The following LRMDA variants were observed in gnomAD, a reference collection of about 807,000 sequenced individuals.
LRMDA encodes the protein leucine-rich melanocyte differentiation-associated protein.
A neutral mutation model predicts 29.8 loss-of-function variants in LRMDA; 18 were observed. That is an observed-to-expected ratio of 0.60 (90% CI 0.42 to 0.90). LRMDA has a LOEUF of 0.90. LRMDA is among the 40% of genes least tolerant of loss of function. The probability of loss-of-function intolerance (pLI) is 0.00; values close to 1 mark genes in which losing one functional copy is unlikely to be tolerated. For synonymous variants in LRMDA, 125 were observed against 109.4 expected, an observed-to-expected ratio of 1.14 and a Z score of -0.89; for missense variants, 273 against 273.9, an observed-to-expected ratio of 1.00 and a Z score of 0.02.
chr10:75,986,695 T>C (rs1847267440), intron 2 of LRMDA, among the ~76,000 whole-genome samples: 1 of 152,256 alleles, frequency 6.6e-6, no homozygotes, highest in South Asian at 2.1e-4. Context: ...GTCTTGGATG[T>C]TGTAAGGGAC....
chr10:76,135,240 C>G (rs1457709267), intron 5 of LRMDA, among the ~76,000 whole-genome samples: 1 of 152,204 alleles, frequency 6.6e-6, no homozygotes, highest in Non-Finnish European at 1.5e-5. Flanking sequence ...GGCAGATCAT[C>G]CATAGTGCGT....
At chr10:76,376,418 C>A (rs750461910) in intron 6 of LRMDA, among the ~76,000 whole-genome samples, 7 of 152,108 alleles carry the variant, frequency 4.6e-5, no homozygotes, top group Non-Finnish European at 1.0e-4. Context: ...AACATACACA[C>A]ACACTACTAT....
chr10:75,777,627 C>T (rs1310823973), intron 2 of LRMDA, among the ~76,000 whole-genome samples: 2 of 152,226 alleles, frequency 1.3e-5, no homozygotes, highest in African/African-American at 4.8e-5. Flanking sequence ...TCCCAGCTCC[C>T]ACTTGAGAGG....
chr10:76,308,583 C>T (rs901671256), intron 5 of LRMDA, among the ~76,000 whole-genome samples: 1 of 152,112 alleles, frequency 6.6e-6, no homozygotes, highest in African/African-American at 2.4e-5. Flanking sequence ...TCTGTGAAGT[C>T]ACCTTTGCTA....
chr10:75,466,338 T>A (rs1844649968), intron 2 of LRMDA, among the ~76,000 whole-genome samples: 1 of 152,120 alleles, frequency 6.6e-6, no homozygotes, highest in Non-Finnish European at 1.5e-5. Flanking sequence ...CTTCCCATCT[T>A]TGGTTTTTCC....
At chr10:75,623,303 C>CA (rs1180556662) in intron 2 of LRMDA, among the ~76,000 whole-genome samples, 1 of 152,176 alleles carries the variant, frequency 6.6e-6, no homozygotes, top group East Asian at 1.9e-4. Flanking sequence ...GTGGGCTCTG[C>CA]TCCCCTCCCT....
chr10:76,476,560 A>C (rs1245614794), intron 6 of LRMDA, among the ~76,000 whole-genome samples: 1 of 152,194 alleles, frequency 6.6e-6, no homozygotes, highest in Non-Finnish European at 1.5e-5. Flanking sequence ...TGAGGCCAGC[A>C]TCATCCTGAT....
At chr10:76,012,056 G>C (rs540377870) in intron 2 of LRMDA, among the ~76,000 whole-genome samples, 1 of 152,334 alleles carries the variant, frequency 6.6e-6, no homozygotes, top group South Asian at 2.1e-4. Flanking sequence ...GGCAGGGTCT[G>C]AGTGCAGTTC....
intron 6 of LRMDA, among the ~76,000 whole-genome samples, chr10:76,423,323 G>A (rs1842089446): frequency 6.6e-6 from 1 of 152,176 alleles, no homozygotes; most frequent in Admixed American, 6.5e-5. Flanking sequence ...CAGCCCAGGA[G>A]ATCGAGGCTG....
intron 6 of LRMDA, among the ~76,000 whole-genome samples, chr10:76,348,082 T>A (rs1194910683): frequency 2.0e-5 from 3 of 152,146 alleles, no homozygotes; most frequent in Non-Finnish European, 4.4e-5. Context: ...GCAGTGAAGA[T>A]GCTCAGTGCA....
rs190110945 is a variant in LRMDA, at chr10:75,776,337, T to C, written c.132-259671T>C. 2.3e-3 allele frequency among the ~76,000 whole-genome samples: 352 copies of C among 152,290 alleles called. 2 individuals are homozygous for C. The highest frequency in any genetic ancestry group is 6.7e-3 in the African/African-American group (278 of 41,560). ...GTTCTAGAAATCATCTGGGGGCATATTGGAGGAAGAAGGGACCCTGATCCA... is the reference window on the plus strand; with the variant it reads ...GTTCTAGAAATCATCTGGGGGCATACTGGAGGAAGAAGGGACCCTGATCCA... On this transcript the variant is annotated intron_variant, in intron 2 of 6. Coordinates refer to ENST00000611255, the MANE Select transcript of LRMDA (RefSeq NM_001305581.2).
At chr10:75,709,450 ATGTG>A (rs143567128) in intron 2 of LRMDA, among the ~76,000 whole-genome samples, 27 of 145,840 alleles carry the variant, frequency 1.9e-4, no homozygotes, top group African/African-American at 5.6e-4. Context: ...GTGTATGTGC[ATGTG>A]TGTGTGTGTG....
intron 2 of LRMDA, among the ~76,000 whole-genome samples, chr10:75,919,172 A>T (rs1359811776): frequency 6.6e-6 from 1 of 152,188 alleles, no homozygotes; most frequent in Non-Finnish European, 1.5e-5. Context: ...CAAAGCCGGG[A>T]TGCGAAGCTG....
intron 5 of LRMDA, among the ~76,000 whole-genome samples, chr10:76,273,909 G>T (rs1005065065): frequency 6.6e-6 from 1 of 152,060 alleles, no homozygotes; most frequent in Admixed American, 6.6e-5. Flanking sequence ...TGTTGTCATG[G>T]TTTTATTGTC....
intron 2 of LRMDA, among the ~76,000 whole-genome samples, chr10:75,676,709 A>G (rs906414740): frequency 6.6e-6 from 1 of 152,120 alleles, no homozygotes; most frequent in African/African-American, 2.4e-5. Flanking sequence ...CTTTTGAATG[A>G]CACCTCTCTT....
intron 2 of LRMDA, among the ~76,000 whole-genome samples, chr10:75,557,466 T>C (rs1306882027): frequency 6.6e-6 from 1 of 152,132 alleles, no homozygotes; most frequent in Non-Finnish European, 1.5e-5. Flanking sequence ...GTGTAACTGC[T>C]TTGGGATTTT....
chr10:76,143,527 T>G (rs1462681118), intron 5 of LRMDA, among the ~76,000 whole-genome samples: 2 of 152,108 alleles, frequency 1.3e-5, no homozygotes, highest in Admixed American at 6.5e-5. Flanking sequence ...TTGCCCACTT[T>G]TTGATGGGGT....
intron 4 of LRMDA, among the ~76,000 whole-genome samples, chr10:76,057,121 G>T (rs1168853007): frequency 6.6e-6 from 1 of 152,140 alleles, no homozygotes; most frequent in Non-Finnish European, 1.5e-5. Context: ...CTTAAGGTGT[G>T]GTTCCTTGAT....
At chr10:76,099,706 G>T (rs1314815469) in intron 5 of LRMDA, among the ~76,000 whole-genome samples, 3 of 151,532 alleles carry the variant, frequency 2.0e-5, no homozygotes, top group African/African-American at 7.3e-5. Flanking sequence ...TATCTTTTTT[G>T]TATTCATTAC....
Sources: gnomAD v4.1 joint callset for allele counts (sites outside exome capture counted in the v4.1 genomes callset) on GRCh38, gnomAD v4.1.1 for gene constraint, MANE v1.5 for transcripts, NCBI Gene and HGNC (gene_info 2026-07-23, HGNC 2026-07-21) for gene names.